The following WWOX variants were observed in gnomAD, a reference collection of about 807,000 sequenced individuals.
WWOX encodes WW domain containing oxidoreductase.
WWOX carries 69 observed loss-of-function variants against 46.2 expected under a neutral mutation model. The observed-to-expected ratio is 1.49, with a 90% CI of 1.23 to 1.82. The LOEUF (loss-of-function observed/expected upper bound fraction) is 1.82. WWOX is among the 40% of genes most tolerant of loss of function. WWOX has a pLI of 0.00. For missense variants in WWOX, 919 were observed against 542.6 expected (o/e 1.69, Z -6.89); for synonymous variants, 359 against 202.6 (o/e 1.77, Z -6.56).
At chr16:78,557,573 C>T (rs946278470) in intron 8 of WWOX, among the ~76,000 whole-genome samples, 1 of 152,024 alleles carries the variant, frequency 6.6e-6, no homozygotes, top group Non-Finnish European at 1.5e-5. Flanking sequence ...AAGGGAGTGG[C>T]ACTATAGCTG....
At chr16:78,169,484 ACCTC>A (rs2151741188) in intron 5 of WWOX, among the ~76,000 whole-genome samples, 1 of 150,130 alleles carries the variant, frequency 6.7e-6, no homozygotes, top group African/African-American at 2.4e-5. Context: ...AGATCTCAGG[ACCTC>A]TGCATGTAAA....
At chr16:78,632,875 G>T (rs1217343056) in intron 8 of WWOX, among the ~76,000 whole-genome samples, 1 of 151,864 alleles carries the variant, frequency 6.6e-6, no homozygotes, top group Non-Finnish European at 1.5e-5. Context: ...CCAAATTCTT[G>T]CCTGATCGCC....
At chr16:78,616,509 C>T (rs150063047) in intron 8 of WWOX, among the ~76,000 whole-genome samples, 1 of 149,774 alleles carries the variant, frequency 6.7e-6, no homozygotes. Flanking sequence ...CACCTGTAAT[C>T]CCAGCACTTT....
At chr16:78,557,689 A>ATTTTTTGTTTTT (rs2044336579) in intron 8 of WWOX, among the ~76,000 whole-genome samples, 1 of 96,648 alleles carries the variant, frequency 1.0e-5, no homozygotes, top group African/African-American at 5.2e-5. Context: ...CTAGGGAAGG[A>ATTTTTTGTTTTT]TTTTTTTTTT....
chr16:79,085,619 C>G (rs969115517), intron 8 of WWOX, among the ~76,000 whole-genome samples: 3 of 152,112 alleles, frequency 2.0e-5, no homozygotes, highest in African/African-American at 7.2e-5. Context: ...ATAGAAAAAC[C>G]TGTTTCTCTA....
At chr16:78,859,827 A>G (rs979136237) in intron 8 of WWOX, among the ~76,000 whole-genome samples, 1 of 101,580 alleles carries the variant, frequency 9.8e-6, no homozygotes, top group Non-Finnish European at 2.2e-5. Context: ...ATTTAATGTG[A>G]TTTAACAGTG....
intron 6 of WWOX, among the ~76,000 whole-genome samples, chr16:78,422,818 T>TATATATACAC (rs1156641546): frequency 8.3e-6 from 1 of 120,298 alleles, no homozygotes; most frequent in African/African-American, 4.6e-5. Context: ...CACATATATA[T>TATATATACAC]ACACACACAT....
chr16:78,785,025 A>C (rs2050420612), intron 8 of WWOX, among the ~76,000 whole-genome samples: 1 of 152,216 alleles, frequency 6.6e-6, no homozygotes, highest in African/African-American at 2.4e-5. Flanking sequence ...TACTTGTGGC[A>C]ACAGCAGTTA....
chr16:78,961,201 A>G (rs1418670488), intron 8 of WWOX, among the ~76,000 whole-genome samples: 1 of 152,234 alleles, frequency 6.6e-6, no homozygotes, highest in African/African-American at 2.4e-5. Context: ...TGGTGACATC[A>G]GAAGTTAAAA....
intron 8 of WWOX, among the ~76,000 whole-genome samples, chr16:78,969,269 C>CTTTT (rs71384387): frequency 2.8e-5 from 4 of 142,592 alleles, no homozygotes; most frequent in Non-Finnish European, 1.5e-5. Context: ...CTCTCTCTCT[C>CTTTT]TTTTTTTTTT....
intron 8 of WWOX, among the ~76,000 whole-genome samples, chr16:78,764,401 CTGT>C (rs531907358): frequency 1.4e-3 from 208 of 151,182 alleles, no homozygotes; most frequent in African/African-American, 4.8e-3. Context: ...TGGAGGCATT[CTGT>C]CCTCTTGTTG....
At chr16:78,415,187 G>A (rs914726181) in intron 6 of WWOX, among the ~76,000 whole-genome samples, 9 of 151,778 alleles carry the variant, frequency 5.9e-5, no homozygotes, top group African/African-American at 2.2e-4. Context: ...GCAGTTCCCG[G>A]AAGTGAGGGT....
chr16:79,069,558 G>GTT lies in WWOX; in HGVS notation c.1057-142036_1057-142035dup, dbSNP rs34594978. Among the ~76,000 whole-genome samples the GTT allele has an allele frequency of 3.4e-3, 494 of 143,496 alleles. 7 individuals are homozygous for GTT. The highest frequency in any genetic ancestry group is 0.014 in the Middle Eastern group (4 of 284). The allele number at this position is 143,496 out of a possible 152,430, so 94.1% of individuals were successfully genotyped here. On this transcript the variant is annotated intron_variant, in intron 8 of 8. Coordinates refer to ENST00000566780, the MANE Select transcript of WWOX (RefSeq NM_016373.4). Reference sequence around the variant, plus strand: ...CATAAAAAAGAATCTTTATTGGTAGGTTTTTTTTTTTTTTTAAAGCTAATA... The same window carrying GTT: ...CATAAAAAAGAATCTTTATTGGTAGGTTTTTTTTTTTTTTTTTAAAGCTAATA...
chr16:78,761,249 A>G (rs1407192026), intron 8 of WWOX, among the ~76,000 whole-genome samples: 2 of 152,164 alleles, frequency 1.3e-5, no homozygotes, highest in Non-Finnish European at 2.9e-5. Context: ...AGTAGACCAT[A>G]AGCAAAAGAG....
chr16:78,995,594 A>C (rs1350415690), intron 8 of WWOX, among the ~76,000 whole-genome samples: 1 of 152,070 alleles, frequency 6.6e-6, no homozygotes. Flanking sequence ...AAAGAAAGAG[A>C]GAAAGAGAAA....
chr16:79,016,247 G>A (rs537866574), intron 8 of WWOX: 6 of 152,210 alleles, frequency 3.9e-5, no homozygotes, highest in Non-Finnish European at 7.4e-5. Flanking sequence ...AATCATTAGG[G>A]GTTCTTTCCT....
At chr16:78,860,802 G>C (rs188559999) in intron 8 of WWOX, among the ~76,000 whole-genome samples, 283 of 152,196 alleles carry the variant, frequency 1.9e-3, no homozygotes, top group Non-Finnish European at 3.0e-3. Context: ...ATCCAGCTTA[G>C]CTCAGGCTAT....
At chr16:79,006,902 C>G (rs1042744435) in intron 8 of WWOX, among the ~76,000 whole-genome samples, 1 of 152,196 alleles carries the variant, frequency 6.6e-6, no homozygotes, top group African/African-American at 2.4e-5. Flanking sequence ...GTTTTGCACC[C>G]ACTGGATGAC....
intron 5 of WWOX, among the ~76,000 whole-genome samples, chr16:78,282,072 G>A (rs1041720769): frequency 6.6e-6 from 1 of 152,164 alleles, no homozygotes; most frequent in Non-Finnish European, 1.5e-5. Flanking sequence ...CTAGTTTTAG[G>A]CAGACACCTA....
Sources: allele counts gnomAD v4.1 joint callset (sites outside exome capture counted in the v4.1 genomes callset), GRCh38; gene constraint gnomAD v4.1.1; transcripts MANE v1.5; gene names NCBI Gene and HGNC (gene_info 2026-07-23, HGNC 2026-07-21).